IQCH: variants seen among roughly 807,000 people sequenced by gnomAD.
IQCH encodes IQ motif containing H, also known as IQ domain-containing protein H.
Under a neutral mutation model 117.0 loss-of-function variants are expected in IQCH, and 98 were observed. That is an observed-to-expected ratio of 0.84 (90% CI 0.71 to 0.99). The LOEUF (loss-of-function observed/expected upper bound fraction) is 0.99, where lower values mean the gene tolerates loss of function less well. Among genes scored for constraint, IQCH ranks in the 50% least tolerant of loss-of-function variants. The probability of loss-of-function intolerance (pLI) is 0.00; values close to 1 mark genes in which losing one functional copy is unlikely to be tolerated. For missense variants in IQCH, 1,102 were observed against 1,243.8 expected, an observed-to-expected ratio of 0.89 and a Z score of 1.72; for synonymous variants, 412 against 448.2, an observed-to-expected ratio of 0.92 and a Z score of 1.02.
At chr15:67,255,541 T>C (rs976934037) in intron 1 of IQCH, among the ~76,000 whole-genome samples, 9 of 152,258 alleles carry the variant, frequency 5.9e-5, no homozygotes. Flanking sequence ...TTGTAATAGT[T>C]GCACTCAGAT....
intron 17 of IQCH, among the ~76,000 whole-genome samples, chr15:67,469,702 G>A (rs1261279426): frequency 6.6e-6 from 1 of 152,176 alleles, no homozygotes; most frequent in Non-Finnish European, 1.5e-5. Flanking sequence ...AGGACACAGA[G>A]CCTTTACTCC....
rs978916105 is a variant in IQCH, at chr15:67,304,305, C to G, written c.387+24793C>G. 4.5e-6 allele frequency: 5 copies of G among 1,119,556 alleles called. No individual in the cohort carries two copies. The Admixed American group carries it at 6.7e-5, about 15-fold the overall frequency. The allele number at this position is 1,119,556 out of a possible 1,614,324, so 69.4% of individuals were successfully genotyped here. ...AATGTTAGTAAGCATTTTTGTTCAT[C>G]CAGCATGAAAGTTTCATTGTTTCTT... On this transcript the variant is annotated intron_variant, in intron 4 of 20. Transcript: ENST00000335894.
At chr15:67,260,997 G>T (rs529320773) in intron 1 of IQCH, among the ~76,000 whole-genome samples, 1 of 151,602 alleles carries the variant, frequency 6.6e-6, no homozygotes, top group East Asian at 1.9e-4. Context: ...TCAGGAGGCT[G>T]AGGCAGGAGA....
Position 67,413,922 on chromosome 15 carries a change from T to C in IQCH, c.2098-3009T>C, listed in dbSNP as rs551690752. Among the ~76,000 whole-genome samples the C allele has an allele frequency of 6.6e-6, 1 of 152,336 alleles. No individual in the cohort carries two copies. Among genetic ancestry groups the C allele is most frequent in the South Asian group, 2.1e-4 (1 of 4,826 alleles). ...CAAAGCAGAATGGCTGGCTTTGTGA[T>C]CAGAGGCGGTGGCAGAAGCCTGGCA... On this transcript the variant is annotated intron_variant, in intron 14 of 20. Transcript: ENST00000335894. The surrounding 1 kb of genome is among the most constrained non-coding windows in gnomAD (Gnocchi z 5.0).
rs951278141 is a variant in IQCH, at chr15:67,384,959, C to A, written c.1396C>A (p.His466Asn). 5 of 1,611,760 alleles carry A rather than the reference C, an allele frequency of 3.1e-6. No individual in the cohort carries two copies. The highest frequency in any genetic ancestry group is 4.2e-6 in the Non-Finnish European group (5 of 1,178,092). ...AGGGTATTCCCAGCCTGTGAGAGAA[C>A]ATATTGCCGATTTCAACACACAGCA... Reference protein sequence around the residue: ...SLGYSQPVREHIADFNTQQNM... With the variant: ...SLGYSQPVRENIADFNTQQNM... Residue 466 changes from histidine (H) to asparagine (N), a missense_variant, in exon 11 of 21, where the codon CAT (histidine) becomes AAT (asparagine). Around this residue, in one of 2 missense-constraint regions of IQCH, gnomAD observed 650 missense variants for 794.3 expected, o/e 0.82. Transcript: ENST00000335894. This position sits in a 1 kb window ranked among gnomAD's most constrained non-coding sequence, Gnocchi z 4.3.
intron 5 of IQCH, among the ~76,000 whole-genome samples, chr15:67,340,934 C>T (rs915062840): frequency 8.5e-5 from 13 of 152,156 alleles, no homozygotes; most frequent in Admixed American, 3.9e-4. Flanking sequence ...AGTGGCCAGG[C>T]GCAGCGGCTC....
intron 4 of IQCH, among the ~76,000 whole-genome samples, chr15:67,303,947 A>G (rs1453261449): frequency 1.3e-5 from 2 of 152,166 alleles, no homozygotes; most frequent in African/African-American, 4.8e-5. Context: ...ACATTAACAG[A>G]CCAAGGGAGC....
chr15:67,362,870 C>G (rs1283115053), intron 8 of IQCH, among the ~76,000 whole-genome samples: 1 of 152,256 alleles, frequency 6.6e-6, no homozygotes, highest in Non-Finnish European at 1.5e-5. Context: ...TAGATGATAT[C>G]TAGCAGCAGT....
At chr15:67,341,939 T>G (rs1448850232) in intron 5 of IQCH, among the ~76,000 whole-genome samples, 3 of 152,096 alleles carry the variant, frequency 2.0e-5, no homozygotes, top group Non-Finnish European at 4.4e-5. Context: ...ACCTTAATCT[T>G]TACAGAATTA....
chr15:67,355,139 G>T (rs1457857023), intron 6 of IQCH, among the ~76,000 whole-genome samples: 1 of 152,098 alleles, frequency 6.6e-6, no homozygotes. Flanking sequence ...GTTATTCTTT[G>T]TTGGATAAGT....
At chr15:67,451,655 A>G (rs1018198807) in intron 16 of IQCH, among the ~76,000 whole-genome samples, 24 of 152,202 alleles carry the variant, frequency 1.6e-4, no homozygotes, top group Non-Finnish European at 1.3e-4. Flanking sequence ...TGTGTGGTCA[A>G]TTTTGGAGTA....
chr15:67,313,417 G>C (rs1967695863), intron 4 of IQCH, among the ~76,000 whole-genome samples: 1 of 152,118 alleles, frequency 6.6e-6, no homozygotes, highest in African/African-American at 2.4e-5. Context: ...CACAGTCCTG[G>C]TTATGTGACT....
rs2082657216 is a variant in IQCH, at chr15:67,456,374, G to A, written c.2506-8753G>A. Among the ~76,000 whole-genome samples the A allele has an allele frequency of 6.6e-6, 1 of 151,106 alleles. No individual in the cohort carries two copies. The highest frequency in any genetic ancestry group is 6.6e-5 in the Admixed American group (1 of 15,230). On this transcript the variant is annotated intron_variant, in intron 16 of 20. Coordinates refer to ENST00000335894, the MANE Select transcript of IQCH (RefSeq NM_001031715.3). This position sits in a 1 kb window ranked among gnomAD's most constrained non-coding sequence, Gnocchi z 5.1. ...AACTAGCCTGGAAGTCAGGAACTTG[G>A]GCTTTGATTCTAGTTCCTCCCCTAA...
At chr15:67,379,077 CAAAAAAAAATTTAGTGAGA>C (rs1209354716) in intron 10 of IQCH, among the ~76,000 whole-genome samples, 1 of 151,102 alleles carries the variant, frequency 6.6e-6, no homozygotes, top group Non-Finnish European at 1.5e-5. Context: ...TTTTCTAAAA[CAAAAAAAAATTTAGTGAGA>C]AGGGTAGGAT....
chr15:67,357,458 T>G, intron 7 of IQCH, 37 bp downstream of exon 7: 3 of 1,260,486 alleles, frequency 2.4e-6, no homozygotes, highest in South Asian at 1.2e-5. Flanking sequence ...AAAATTATTC[T>G]TATTTACAGC....
In IQCH at chr15:67,493,927, C is replaced by G. The variant is rs1295930078; in HGVS notation, c.2862-331C>G. On this transcript the variant is annotated intron_variant, in intron 19 of 20. Coordinates refer to ENST00000335894, the MANE Select transcript of IQCH (RefSeq NM_001031715.3). This position sits in a 1 kb window ranked among gnomAD's most constrained non-coding sequence, Gnocchi z 5.1. Reference sequence around the variant, plus strand: ...TGCGGTGTTTGGTTTTCTGTCCTTGCGATAGTTTGCTGAGAATGATGGGCT... The same window carrying G: ...TGCGGTGTTTGGTTTTCTGTCCTTGGGATAGTTTGCTGAGAATGATGGGCT... Among the ~76,000 whole-genome samples, 2 of 152,110 alleles carry G rather than the reference C, an allele frequency of 1.3e-5. No homozygotes were observed. The highest frequency in any genetic ancestry group is 2.9e-5 in the Non-Finnish European group (2 of 68,024).
rs1031155105 is a variant in IQCH at position 67,403,695 on chromosome 15, G to C, written c.2097+3390G>C. On this transcript the variant is annotated intron_variant, in intron 14 of 20. Coordinates refer to ENST00000335894, the MANE Select transcript of IQCH (RefSeq NM_001031715.3). The surrounding 1 kb of genome is among the most constrained non-coding windows in gnomAD (Gnocchi z 4.8). The stretch of plus-strand genomic sequence containing the variant: ...TAAACAAAGGAAGGCAAACATGTAG[G>C]GGAGAAACATTCCTGGGTAAGCTCA... The C allele has an allele frequency of 6.6e-6, 1 of 152,184 alleles. No individual in the cohort carries two copies. The highest frequency in any genetic ancestry group is 2.1e-4 in the South Asian group (1 of 4,820). 9.4% of individuals were successfully genotyped at this position (152,184 alleles called of 1,614,324 possible).
rs1230956428 is a variant in IQCH at position 67,454,286 on chromosome 15, T to C, written c.2506-10841T>C. On this transcript the variant is annotated intron_variant, in intron 16 of 20. Coordinates refer to ENST00000335894, the MANE Select transcript of IQCH (RefSeq NM_001031715.3). The surrounding 1 kb of genome is among the most constrained non-coding windows in gnomAD (Gnocchi z 5.2). ...CAGTGAGATGAACCCGGTACCTCAG[T>C]TGGAAATGCAGAAATCACCCGTCTT... Among the ~76,000 whole-genome samples the C allele has an allele frequency of 2.0e-5, 3 of 152,104 alleles. No homozygotes were observed. The highest frequency in any genetic ancestry group is 4.8e-5 in the African/African-American group (2 of 41,414).
rs560405133 is a variant in IQCH at position 67,481,859 on chromosome 15, G to A, written c.2799+6041G>A. Among the ~76,000 whole-genome samples, 37 of 152,344 alleles carry A rather than the reference G, an allele frequency of 2.4e-4. No individual in the cohort carries two copies. Among genetic ancestry groups the A allele is most frequent in the Middle Eastern group, 6.8e-3 (2 of 294 alleles). On this transcript the variant is annotated intron_variant, in intron 18 of 20. Transcript: ENST00000335894. This position sits in a 1 kb window ranked among gnomAD's most constrained non-coding sequence, Gnocchi z 4.1. ...AGAAATCTCAGTCTGGATTAAAAGA[G>A]ACTGTTGCTGCTTAAGACTTAAAAC...
Sources: gnomAD v4.1 joint callset for allele counts (sites outside exome capture counted in the v4.1 genomes callset) on GRCh38, gnomAD v4.1.1 for gene constraint, gnomAD v4.1.1 regional missense constraint, Gnocchi (gnomAD v3.1) non-coding constraint, MANE v1.5 for transcripts, NCBI Gene and HGNC (gene_info 2026-07-23, HGNC 2026-07-21) for gene names.